Variants in ZNF514 observed in about 807,000 individuals in gnomAD.
The protein encoded by ZNF514 is zinc finger protein 514.
A neutral mutation model predicts 9.7 loss-of-function variants in ZNF514; 12 were observed. The observed-to-expected ratio is 1.24, with a 90% CI of 0.79 to 2.01. ZNF514 has a LOEUF of 2.01. ZNF514 is among the 30% of genes most tolerant of loss of function. The pLI, the probability that ZNF514 is intolerant of heterozygous loss-of-function variation, is 0.00. For missense variants in ZNF514, 467 were observed against 465.5 expected (o/e 1.00, Z -0.03); for synonymous variants, 158 against 163.7 (o/e 0.97, Z 0.27).
At position 95,149,584 on chromosome 2, in the gene ZNF514, A is replaced by G; in HGVS notation, c.901T>C (p.Ser301Pro). The G allele has an allele frequency of 6.2e-7, 1 of 1,610,334 alleles. No individual in the cohort carries two copies. Among genetic ancestry groups the G allele is most frequent in the Non-Finnish European group, 8.5e-7 (1 of 1,178,996 alleles). Residue 301 changes from serine (S) to proline (P), a missense_variant, in exon 5 of 5, where the codon TCA (serine) becomes CCA (proline). Coordinates refer to ENST00000295208, the MANE Select transcript of ZNF514 (RefSeq NM_032788.3). The stretch of plus-strand genomic sequence containing the variant: ...GTCCTCTGATGCTTAATAAGGGATG[A>G]AGTGTGACCAAAGGCTCGTCCACAT... ...NECGRAFGHTSSLIKHQRTHT... is the reference protein window; with the variant it reads ...NECGRAFGHTPSLIKHQRTHT...
At chr2:95,155,474 T>C (rs555977480) in intron 2 of ZNF514, 2 of 152,362 alleles carry the variant, frequency 1.3e-5, no homozygotes, top group South Asian at 4.1e-4. Flanking sequence ...CCATTGCTCA[T>C]TGTATATTGG....
chr2:95,156,265 C>T (rs1475978415), intron 2 of ZNF514, among the ~76,000 whole-genome samples: 2 of 152,186 alleles, frequency 1.3e-5, no homozygotes, highest in Admixed American at 1.3e-4. Flanking sequence ...GGCATTTGTA[C>T]CCCTCCACAT....
chr2:95,131,610 C>T, the ZNF514 span, among the ~76,000 whole-genome samples: 1 of 152,164 alleles, frequency 6.6e-6, no homozygotes, highest in South Asian at 2.1e-4. Context: ...CTGGAATCTT[C>T]GCCTCACCAA....
chr2:95,154,358 C>T (rs1673624454), intron 2 of ZNF514: 1 of 152,346 alleles, frequency 6.6e-6, no homozygotes, highest in East Asian at 1.9e-4. Flanking sequence ...GCTATCATGG[C>T]ATAACTAGCC....
chr2:95,159,122 C>T, intron 1 of ZNF514, 118 bp downstream of exon 1: 2 of 937,024 alleles, frequency 2.1e-6, no homozygotes, highest in Middle Eastern at 4.6e-4. Flanking sequence ...CCCCACTAGG[C>T]GCGGCGGGGC....
chr2:95,159,105 G>C (rs1338104246), intron 1 of ZNF514, 135 bp downstream of exon 1: 5 of 1,051,062 alleles, frequency 4.8e-6, no homozygotes, highest in Non-Finnish European at 6.0e-6. Context: ...TGGGGGACAC[G>C]GGGCATCCCC....
downstream of ZNF514, among the ~76,000 whole-genome samples, chr2:95,141,583 T>G (rs1294678516): frequency 6.6e-6 from 1 of 152,318 alleles, no homozygotes; most frequent in East Asian, 1.9e-4. Context: ...ACCAACAGGT[T>G]GAGGCCACCT....
rs1031561402 is a variant in ZNF514, at chr2:95,147,323, G to A, written c.*1959C>T. ...TTGTTTAGCAATGGTTGGTATATGT[G>A]TAAATTTGATTTTGAAAAATGATTT... On this transcript the variant is annotated 3_prime_UTR_variant, in exon 5 of 5. Coordinates refer to ENST00000295208, the MANE Select transcript of ZNF514 (RefSeq NM_032788.3). 7 of 152,178 alleles carry A rather than the reference G, an allele frequency of 4.6e-5. No individual in the cohort carries two copies. Among genetic ancestry groups the A allele is most frequent in the African/African-American group, 1.7e-4 (7 of 41,448 alleles). 9.4% of individuals were successfully genotyped at this position (152,178 alleles called of 1,614,324 possible). A position where few individuals can be genotyped will look rare whatever the true frequency, so the allele number is the denominator to read the frequency against.
At chr2:95,124,218 C>T in the ZNF514 span, among the ~76,000 whole-genome samples, 1 of 152,164 alleles carries the variant, frequency 6.6e-6, no homozygotes, top group East Asian at 1.9e-4. Context: ...TCTCCTCCAC[C>T]ATCTTTAACC....
the ZNF514 span, among the ~76,000 whole-genome samples, chr2:95,125,266 C>T: frequency 7.5e-6 from 1 of 132,622 alleles, no homozygotes; most frequent in Admixed American, 7.6e-5. Flanking sequence ...TCTCGCGTCG[C>T]GTCTCGCTCT....
At chr2:95,157,737 G>T (rs1293144227) in intron 1 of ZNF514, among the ~76,000 whole-genome samples, 1 of 152,166 alleles carries the variant, frequency 6.6e-6, no homozygotes, top group African/African-American at 2.4e-5. Context: ...CTGTATGCAG[G>T]TCATCTCCTA....
Position 95,155,863 on chromosome 2 carries a change from G to T in ZNF514, c.-7+1488C>A, listed in dbSNP as rs190624631. Reference sequence around the variant, plus strand: ...TGGAAACCCAAAGAGCCATCCCCGGGTTCTCACACTGCTCTTTCCCTCTGA... The same window carrying T: ...TGGAAACCCAAAGAGCCATCCCCGGTTTCTCACACTGCTCTTTCCCTCTGA... On this transcript the variant is annotated intron_variant, in intron 2 of 4. Coordinates refer to ENST00000295208, the MANE Select transcript of ZNF514 (RefSeq NM_032788.3). Among the ~76,000 whole-genome samples the T allele has an allele frequency of 3.9e-4, 59 of 152,170 alleles. 1 individual carries two copies. The South Asian group carries it at 0.011, about 29-fold the overall frequency.
At chr2:95,126,396 G>GAAAAAAAA in the ZNF514 span, among the ~76,000 whole-genome samples, 1 of 98,570 alleles carries the variant, frequency 1.0e-5, no homozygotes, top group African/African-American at 3.6e-5. Flanking sequence ...AAAAAAAAAA[G>GAAAAAAAA]AAAGAAAGAA....
chr2:95,124,842 A>G, the ZNF514 span, among the ~76,000 whole-genome samples: 1 of 151,714 alleles, frequency 6.6e-6, no homozygotes, highest in Non-Finnish European at 1.5e-5. Flanking sequence ...AGCTGCCATC[A>G]ACATTCATGT....
intron 4 of ZNF514, among the ~76,000 whole-genome samples, chr2:95,151,258 G>A (rs901104909): frequency 2.0e-5 from 3 of 152,152 alleles, no homozygotes; most frequent in East Asian, 1.9e-4. Flanking sequence ...GCTTAAAATC[G>A]GAGAGCATTT....
In ZNF514 at chr2:95,149,745, A is replaced by C; in HGVS notation, c.740T>G (p.Leu247Arg). Residue 247 changes from leucine (L) to arginine (R), a missense_variant, in exon 5 of 5, where the codon CTT (leucine) becomes CGT (arginine). Transcript: ENST00000295208. ...AGTATGAGTTCTTTGATGTTTAATA[A>C]GGGATGAAATATGACCAAAGGCTCT... Reference protein sequence around the residue: ...CGRAFGHISSLIKHQRTHTGE... With the variant: ...CGRAFGHISSRIKHQRTHTGE... 1 of 1,614,256 alleles carries C rather than the reference A, an allele frequency of 6.2e-7. No homozygotes were observed.
chr2:95,150,194 T>C lies in ZNF514; in HGVS notation c.291A>G (p.Val97=), dbSNP rs1345044215. ...WGISKEELFQ[V]VSVEKHIQDV... ...CTTGAATGTGTTTTTCCACTGATAC[T>C]ACCTGGAATAATTCTTCTTTGGAAA... The change falls in exon 5 of 5, where the codon GTA becomes GTG. Residue 97 remains valine (V), a synonymous_variant. Transcript: ENST00000295208. 3.1e-6 allele frequency: 5 copies of C among 1,607,126 alleles called. No individual in the cohort carries two copies. Among genetic ancestry groups the C allele is most frequent in the Admixed American group, 1.7e-5 (1 of 59,830 alleles).
chr2:95,125,903 T>C, the ZNF514 span, among the ~76,000 whole-genome samples: 1 of 152,256 alleles, frequency 6.6e-6, no homozygotes, highest in Non-Finnish European at 1.5e-5. Context: ...CTATTGTGAA[T>C]AATGCTGCTG....
the ZNF514 span, among the ~76,000 whole-genome samples, chr2:95,126,405 A>AAAGG: frequency 3.5e-4 from 52 of 148,440 alleles, no homozygotes; most frequent in Non-Finnish European, 6.0e-4. Context: ...AGAAAGAAAG[A>AAAGG]AAGAAAGGAA....
Sources: allele counts gnomAD v4.1 joint callset (sites outside exome capture counted in the v4.1 genomes callset), GRCh38; gene constraint gnomAD v4.1.1; transcripts MANE v1.5; gene names NCBI Gene and HGNC (gene_info 2026-07-23, HGNC 2026-07-21).